The following FHIT variants were observed in gnomAD, a reference collection of about 807,000 sequenced individuals.
FHIT encodes fragile histidine triad diadenosine triphosphatase.
In FHIT, 19 loss-of-function variants were observed where a neutral mutation model predicts 17.9. The observed-to-expected ratio is 1.06, with a 90% CI of 0.74 to 1.56. FHIT has a LOEUF of 1.56. FHIT is among the 40% of genes most tolerant of loss of function. The probability of loss-of-function intolerance (pLI) is 0.00; values close to 1 mark genes in which losing one functional copy is unlikely to be tolerated. For missense variants in FHIT, 248 were observed against 189.2 expected, an observed-to-expected ratio of 1.31 and a Z score of -1.82; for synonymous variants, 81 against 69.7, an observed-to-expected ratio of 1.16 and a Z score of -0.81.
chr3:60,744,258 C>CAAAAAAAAAAAAAAAAAAGAAAAAA (rs371224955), intron 4 of FHIT, among the ~76,000 whole-genome samples: 1 of 95,642 alleles, frequency 1.0e-5, no homozygotes, highest in South Asian at 3.5e-4. Flanking sequence ...AAAAAAAAAA[C>CAAAAAAAAAAAAAAAAAAGAAAAAA]AAAACAAAAC....
chr3:60,350,268 T>C (rs992943405), intron 5 of FHIT, among the ~76,000 whole-genome samples: 1 of 152,024 alleles, frequency 6.6e-6, no homozygotes, highest in Non-Finnish European at 1.5e-5. Flanking sequence ...AACTTGGTAA[T>C]AGTGTACATG....
chr3:59,889,429 A>G (rs17061352), intron 8 of FHIT, among the ~76,000 whole-genome samples: 12,774 of 152,304 alleles, frequency 0.084, 948 homozygotes, highest in African/African-American at 0.2. Flanking sequence ...ACAGGCCATT[A>G]GGAAAACTAT....
chr3:61,209,436 C>T (rs1002293120), intron 1 of FHIT, among the ~76,000 whole-genome samples: 7 of 152,194 alleles, frequency 4.6e-5, no homozygotes, highest in Middle Eastern at 6.3e-3. Flanking sequence ...CCATTCTCCC[C>T]GTCACTTTCA....
At chr3:59,908,882 A>T (rs1199428184) in intron 8 of FHIT, among the ~76,000 whole-genome samples, 2 of 84,410 alleles carry the variant, frequency 2.4e-5, no homozygotes, top group Non-Finnish European at 5.6e-5. Flanking sequence ...GAAAGTAATC[A>T]TTGTTATACT....
At chr3:60,252,854 C>T (rs867474413) in intron 5 of FHIT, among the ~76,000 whole-genome samples, 2 of 151,672 alleles carry the variant, frequency 1.3e-5, no homozygotes, top group East Asian at 1.9e-4. Context: ...AAAAATTAGC[C>T]GGGCGTGGTG....
chr3:60,532,399 C>T (rs1249612595), intron 5 of FHIT, among the ~76,000 whole-genome samples: 1 of 152,126 alleles, frequency 6.6e-6, no homozygotes, highest in African/African-American at 2.4e-5. Context: ...GAGATAGACA[C>T]AGCACAAAGC....
intron 3 of FHIT, among the ~76,000 whole-genome samples, chr3:61,021,491 T>C (rs1456593093): frequency 7.2e-6 from 1 of 139,048 alleles, no homozygotes; most frequent in Non-Finnish European, 1.6e-5. Context: ...CCCAGCTACT[T>C]GGGAGGCTGA....
intron 4 of FHIT, among the ~76,000 whole-genome samples, chr3:60,644,804 G>A (rs1298427110): frequency 2.0e-5 from 3 of 152,134 alleles, no homozygotes; most frequent in Admixed American, 6.5e-5. Flanking sequence ...GCTTGGCCCT[G>A]CTTCAGACTG....
At chr3:61,243,637 C>A (rs1043648509) in intron 1 of FHIT, among the ~76,000 whole-genome samples, 3 of 152,158 alleles carry the variant, frequency 2.0e-5, no homozygotes, top group Non-Finnish European at 4.4e-5. Context: ...TAAACCCTTT[C>A]AATAACACTG....
intron 5 of FHIT, among the ~76,000 whole-genome samples, chr3:60,215,426 C>A (rs1420064072): frequency 6.6e-6 from 1 of 151,684 alleles, no homozygotes. Context: ...TCACAGTGAG[C>A]AGAGATCACG....
At chr3:60,539,533 G>A (rs563276179) in intron 4 of FHIT, among the ~76,000 whole-genome samples, 13 of 152,120 alleles carry the variant, frequency 8.5e-5, no homozygotes, top group Non-Finnish European at 1.8e-4. Flanking sequence ...GCAAAGACTT[G>A]GAACCAACCC....
At chr3:59,850,348 A>T (rs554807442) in intron 8 of FHIT, among the ~76,000 whole-genome samples, 1 of 152,284 alleles carries the variant, frequency 6.6e-6, no homozygotes, top group South Asian at 2.1e-4. Flanking sequence ...CAGCTGCATA[A>T]GTACTATGTT....
chr3:60,227,639 G>A (rs1180948990), intron 5 of FHIT, among the ~76,000 whole-genome samples: 1 of 152,070 alleles, frequency 6.6e-6, no homozygotes, highest in Non-Finnish European at 1.5e-5. Flanking sequence ...CCTCCAATTA[G>A]GTAAATCATG....
At chr3:60,826,163 AAGGAAGGAAGGAAGGAAGG>A (rs1702108554) in intron 3 of FHIT, among the ~76,000 whole-genome samples, 1 of 22,938 alleles carries the variant, frequency 4.4e-5, no homozygotes, top group Non-Finnish European at 1.2e-4. Flanking sequence ...GGAAGGAAGG[AAGGAAGGAAGGAAGGAAGG>A]AAGGAAGGAA....
chr3:60,292,264 A>C (rs2049849), intron 5 of FHIT, among the ~76,000 whole-genome samples: 1 of 151,962 alleles, frequency 6.6e-6, no homozygotes, highest in Non-Finnish European at 1.5e-5. Flanking sequence ...GTCTTTTTTT[A>C]AGCAAGGCTG....
chr3:60,987,666 A>C (rs911457816), intron 3 of FHIT, among the ~76,000 whole-genome samples: 1 of 152,146 alleles, frequency 6.6e-6, no homozygotes, highest in Non-Finnish European at 1.5e-5. Flanking sequence ...TTCCTCTAGC[A>C]CTGCTGGGTT....
intron 7 of FHIT, among the ~76,000 whole-genome samples, chr3:60,003,308 C>G (rs1425474586): frequency 6.6e-6 from 1 of 152,148 alleles, no homozygotes; most frequent in South Asian, 2.1e-4. Context: ...ATATGGCAGC[C>G]TATAAGCAAC....
At chr3:61,170,828 G>T (rs564939359) in intron 2 of FHIT, among the ~76,000 whole-genome samples, 2 of 152,166 alleles carry the variant, frequency 1.3e-5, no homozygotes, top group Admixed American at 1.3e-4. Flanking sequence ...GTGTTGCAAT[G>T]AACATATGCA....
intron 4 of FHIT, among the ~76,000 whole-genome samples, chr3:60,756,464 C>A (rs1375782720): frequency 2.0e-5 from 3 of 152,210 alleles, no homozygotes; most frequent in African/African-American, 7.2e-5. Context: ...AAGCTCCAGG[C>A]TGCTTCCACC....
Sources: allele counts gnomAD v4.1 joint callset (sites outside exome capture counted in the v4.1 genomes callset), GRCh38; gene constraint gnomAD v4.1.1; transcripts MANE v1.5; gene names NCBI Gene and HGNC (gene_info 2026-07-23, HGNC 2026-07-21).